The following REPS2 variants were observed in gnomAD, a reference collection of about 807,000 sequenced individuals.
The protein encoded by REPS2 is RALBP1 associated Eps domain containing 2.
In REPS2, 23 loss-of-function variants were observed where a neutral mutation model predicts 53.6. The ratio of observed to expected loss-of-function variants is 0.43; its 90% CI spans 0.31 to 0.61. The LOEUF (loss-of-function observed/expected upper bound fraction) is 0.61, where lower values mean the gene tolerates loss of function less well. Among genes scored for constraint, REPS2 ranks in the 20% least tolerant of loss-of-function variants. The probability of loss-of-function intolerance (pLI) is 0.11; values close to 1 mark genes in which losing one functional copy is unlikely to be tolerated. For missense variants in REPS2, 446 were observed against 534.9 expected (o/e 0.83, Z 1.64); for synonymous variants, 238 against 218.6 (o/e 1.09, Z -0.78).
the REPS2 span, among the ~76,000 whole-genome samples, chrX:17,168,660 T>C: frequency 3.6e-5 from 4 of 112,106 alleles, no homozygotes; most frequent in South Asian, 1.5e-3. Context: ...TGTGCTCAGG[T>C]TCTTTTCTCA....
At chrX:17,093,166 CTATATATATATATATATA>C (rs58530978) in intron 13 of REPS2, among the ~76,000 whole-genome samples, 4 of 39,122 alleles carry the variant, frequency 1.0e-4, no homozygotes, top group African/African-American at 3.6e-4. Flanking sequence ...TGAGTTAATG[CTATATATATATATATATA>C]TATATATATA....
chrX:17,057,468 C>T (rs2062086880), intron 8 of REPS2, among the ~76,000 whole-genome samples: 1 of 112,401 alleles, frequency 8.9e-6, no homozygotes, highest in African/African-American at 3.2e-5. Context: ...TTCAAATGTC[C>T]TCATAAAATA....
intron 13 of REPS2, among the ~76,000 whole-genome samples, chrX:17,092,559 C>A (rs749771204): frequency 1.8e-3 from 201 of 109,861 alleles, no homozygotes; most frequent in African/African-American, 6.6e-3. Context: ...CTGGACAAAG[C>A]CTTGCTGATA....
intron 1 of REPS2, among the ~76,000 whole-genome samples, chrX:16,973,214 T>C (rs2060915972): frequency 8.9e-6 from 1 of 112,210 alleles, no homozygotes; most frequent in Non-Finnish European, 1.9e-5. Context: ...GATGTTGATG[T>C]GTCTTGTTAC....
intron 14 of REPS2, among the ~76,000 whole-genome samples, chrX:17,120,706 TC>T (rs1425572118): frequency 9.0e-6 from 1 of 111,650 alleles, no homozygotes. Flanking sequence ...GTTACCCTCA[TC>T]TGTGACCTTT....
chrX:17,000,045 T>C (rs1369815126), intron 1 of REPS2, among the ~76,000 whole-genome samples: 5 of 40,295 alleles, frequency 1.2e-4, no homozygotes, highest in Non-Finnish European at 1.5e-4. Context: ...AGACTCCGTC[T>C]CAAAAAAAAA....
the REPS2 span, among the ~76,000 whole-genome samples, chrX:17,167,802 T>C: frequency 2.3e-3 from 254 of 109,306 alleles, no homozygotes; most frequent in African/African-American, 8.2e-3. Flanking sequence ...AAGATAGGAT[T>C]TTAAAAACTT....
chrX:16,962,395 C>G (rs1227457513), intron 1 of REPS2, among the ~76,000 whole-genome samples: 1 of 108,487 alleles, frequency 9.2e-6, no homozygotes, highest in East Asian at 2.9e-4. Flanking sequence ...TGAACTTATG[C>G]TAAGTAAAAT....
chrX:17,130,998 A>G (rs1405925667), intron 14 of REPS2, among the ~76,000 whole-genome samples: 1 of 112,283 alleles, frequency 8.9e-6, no homozygotes, highest in African/African-American at 3.2e-5. Context: ...ACAACAATAT[A>G]GTTATCGTTA....
In REPS2 at chrX:16,983,556, G is replaced by A. The variant is rs763736118; in HGVS notation, c.274-22665G>A. On this transcript the variant is annotated intron_variant, in intron 1 of 17. Coordinates refer to ENST00000357277, the MANE Select transcript of REPS2 (RefSeq NM_004726.3). ...CTCACTGTGTTGCCCAGACTGGAGTGCAGTGGTGCGATCTTGTCTCACTGC... is the reference window on the plus strand; with the variant it reads ...CTCACTGTGTTGCCCAGACTGGAGTACAGTGGTGCGATCTTGTCTCACTGC... Among the ~76,000 whole-genome samples the A allele has an allele frequency of 1.6e-4, 18 of 112,453 alleles. No homozygotes were observed. In the East Asian group the frequency reaches 3.1e-3, roughly 19 times the overall value.
Position 17,047,368 on chromosome X carries a change from C to T in REPS2, c.793C>T (p.Leu265=). The T allele has an allele frequency of 1.7e-6, 2 of 1,210,819 alleles. No homozygotes were observed. The highest frequency in any genetic ancestry group is 2.2e-6 in the Non-Finnish European group (2 of 894,757). The change falls in exon 6 of 18, where the codon CTA becomes TTA. Residue 265 remains leucine, a synonymous_variant. Coordinates refer to ENST00000357277, the MANE Select transcript of REPS2 (RefSeq NM_004726.3). ...LIRSFSVERE[L]QDNSSYPDEP... is the part of the protein sequence containing the mutation. ...ACAGTCCTTTTCAGTGGAGAGGGAA[C>T]TACAGGATAACAGCAGTTACCCCGA...
At chrX:17,050,141 C>CCTTCCTTCCTTCCTTCCTTTCTTT (rs1555926667) in intron 6 of REPS2, among the ~76,000 whole-genome samples, 2 of 20,374 alleles carry the variant, frequency 9.8e-5, no homozygotes, top group Admixed American at 9.6e-4. Flanking sequence ...TTCCTTTCTT[C>CCTTCCTTCCTTCCTTCCTTTCTTT]CTTTCTTTCT....
At chrX:17,103,836 G>A (rs2062838553) in intron 14 of REPS2, 57 bp downstream of exon 14, 11 of 1,070,302 alleles carry the variant, frequency 1.0e-5, no homozygotes, top group South Asian at 3.8e-5. Flanking sequence ...TTGTCCTATC[G>A]CTGTGCTTCT....
At chrX:17,173,403 T>A in the REPS2 span, among the ~76,000 whole-genome samples, 1 of 112,570 alleles carries the variant, frequency 8.9e-6, no homozygotes, top group Non-Finnish European at 1.9e-5. Flanking sequence ...CCATCCACAG[T>A]TGCCTGCCAG....
intron 14 of REPS2, among the ~76,000 whole-genome samples, chrX:17,104,098 T>C (rs1316523160): frequency 1.8e-5 from 2 of 111,760 alleles, no homozygotes; most frequent in Non-Finnish European, 3.8e-5. Flanking sequence ...GGTGGAGACA[T>C]GGTTTTTCTG....
At chrX:17,033,217 G>A (rs985161241) in intron 5 of REPS2, among the ~76,000 whole-genome samples, 1 of 111,435 alleles carries the variant, frequency 9.0e-6, no homozygotes, top group African/African-American at 3.3e-5. Context: ...CCATCTTCTC[G>A]AAATGCTCTC....
chrX:17,159,654 A>G, the REPS2 span, among the ~76,000 whole-genome samples: 2 of 111,546 alleles, frequency 1.8e-5, no homozygotes. Flanking sequence ...CAGCCCCCCA[A>G]TGCACATCAC....
At position 17,152,523 on chromosome X, in the gene REPS2, A is replaced by G. The variant is rs1205028876; in HGVS notation, c.*5042A>G. 4.5e-5 allele frequency: 5 copies of G among 111,999 alleles called. No individual in the cohort carries two copies. Among genetic ancestry groups the G allele is most frequent in the Admixed American group, 2.8e-4 (3 of 10,580 alleles). 9.2% of individuals were successfully genotyped at this position (111,999 alleles called of 1,213,427 possible). A position where few individuals can be genotyped will look rare whatever the true frequency, so the allele number is the denominator to read the frequency against. ...GACTCTGAAGACCAGCAGACACCAGACTTTAAAAGTGCTTAAATTGGAATT... is the reference window on the plus strand; with the variant it reads ...GACTCTGAAGACCAGCAGACACCAGGCTTTAAAAGTGCTTAAATTGGAATT... On this transcript the variant is annotated 3_prime_UTR_variant, in exon 18 of 18. Transcript: ENST00000357277.
chrX:17,163,478 A>T, the REPS2 span, among the ~76,000 whole-genome samples: 1 of 111,721 alleles, frequency 9.0e-6, no homozygotes, highest in Non-Finnish European at 1.9e-5. Flanking sequence ...CTACAAATCC[A>T]AGAAGCTCAA....
Sources: gnomAD v4.1 joint callset for allele counts (sites outside exome capture counted in the v4.1 genomes callset) on GRCh38, gnomAD v4.1.1 for gene constraint, MANE v1.5 for transcripts, NCBI Gene and HGNC (gene_info 2026-07-23, HGNC 2026-07-21) for gene names.